The following SOX30 variants were observed in gnomAD, a reference collection of about 807,000 sequenced individuals.
SOX30 encodes the protein SRY-box transcription factor 30.
In SOX30, 17 loss-of-function variants were observed where a neutral mutation model predicts 58.6. The ratio of observed to expected loss-of-function variants is 0.29; its 90% confidence interval spans 0.20 to 0.44. The LOEUF (loss-of-function observed/expected upper bound fraction) is 0.44, where lower values mean the gene tolerates loss of function less well. Ranked by LOEUF, SOX30 falls within the 20% of genes least tolerant of loss-of-function variation. SOX30 has a pLI of 1.00. For missense variants in SOX30, 951 were observed against 965.8 expected (o/e 0.98, Z 0.20); for synonymous variants, 421 against 400.2 (o/e 1.05, Z -0.62).
chr5:157,665,642 A>G (rs1294315745), intron 2 of SOX30, among the ~76,000 whole-genome samples: 1 of 147,946 alleles, frequency 6.8e-6, no homozygotes, highest in Non-Finnish European at 1.5e-5. Flanking sequence ...TTAAATATAC[A>G]TTTATTTTAA....
intron 4 of SOX30, among the ~76,000 whole-genome samples, chr5:157,631,238 C>T (rs2113833392): frequency 6.6e-6 from 1 of 151,342 alleles, no homozygotes; most frequent in Middle Eastern, 3.4e-3. Context: ...TACACCACCA[C>T]ACCCAGCAAC....
chr5:157,667,571 T>C (rs1460005052), intron 2 of SOX30, among the ~76,000 whole-genome samples: 5 of 152,068 alleles, frequency 3.3e-5, no homozygotes, highest in African/African-American at 4.8e-5. Context: ...CTGTCTCTTC[T>C]AAAAATACAA....
intron 1 of SOX30, among the ~76,000 whole-genome samples, chr5:157,649,278 C>T (rs1361796435): frequency 6.6e-6 from 1 of 152,214 alleles, no homozygotes; most frequent in African/African-American, 2.4e-5. Flanking sequence ...AGGAACCATG[C>T]ATGACTTACT....
intron 1 of SOX30, among the ~76,000 whole-genome samples, chr5:157,669,243 G>A (rs981440703): frequency 5.3e-5 from 8 of 152,346 alleles, no homozygotes; most frequent in Admixed American, 2.6e-4. Flanking sequence ...GTCCAGGCTA[G>A]AGTGCAGTGG....
intron 2 of SOX30, among the ~76,000 whole-genome samples, chr5:157,664,586 C>A (rs1254660799): frequency 6.6e-6 from 1 of 152,098 alleles, no homozygotes. Context: ...GCAACAAAAG[C>A]CAAAATTGAC....
intron 2 of SOX30, chr5:157,667,763 TACACACACACAC>T: frequency 1.5e-6 from 2 of 1,342,868 alleles, no homozygotes; most frequent in South Asian, 1.4e-5. Flanking sequence ...CATACATACA[TACACACACACAC>T]ACACACACAC....
chr5:157,651,733 A>G lies in SOX30; in HGVS notation c.346T>C (p.Ser116Pro). The change falls in exon 1 of 5, where the codon TCA becomes CCA. Residue 116 changes from serine to proline, a missense_variant. Ser to Pro is a moderately conservative substitution (Grantham distance 74). Coordinates refer to ENST00000265007, the MANE Select transcript of SOX30 (RefSeq NM_178424.2). ...DLRLLQPPTA[S>P]DGATSRPELH... is the part of the protein sequence containing the mutation. Reference sequence around the variant, plus strand: ...TCGGGCCTGGAGGTGGCGCCGTCTGACGCTGTCGGCGGCTGCAGGAGCCGC... The same window carrying G: ...TCGGGCCTGGAGGTGGCGCCGTCTGGCGCTGTCGGCGGCTGCAGGAGCCGC... 6.4e-7 allele frequency: 1 copy of G among 1,565,220 alleles called. No individual in the cohort carries two copies.
In SOX30 at chr5:157,642,349, GC is replaced by G. The variant is rs550930527; in HGVS notation, c.1388-3628del. On this transcript the variant is annotated intron_variant, in intron 3 of 4. Coordinates refer to ENST00000265007, the MANE Select transcript of SOX30 (RefSeq NM_178424.2). ...AAAAAAAGAAGAAGCTTGATTGAGA[GC>G]CAAATAATGGAGAAATATTACTAGA... Among the ~76,000 whole-genome samples, 217 of 151,274 alleles carry G rather than the reference GC, an allele frequency of 1.4e-3. 2 individuals are homozygous for G. The highest frequency in any genetic ancestry group is 4.0e-3 in the African/African-American group (164 of 41,238).
intron 2 of SOX30, among the ~76,000 whole-genome samples, chr5:157,667,032 G>A (rs573827785): frequency 6.6e-6 from 1 of 152,220 alleles, no homozygotes; most frequent in Non-Finnish European, 1.5e-5. Context: ...CATCAAAGCT[G>A]GACTCCAACC....
At chr5:157,630,718 G>T (rs946658049) in intron 4 of SOX30, among the ~76,000 whole-genome samples, 5 of 150,894 alleles carry the variant, frequency 3.3e-5, no homozygotes, top group Admixed American at 6.7e-5. Context: ...TTTACTTCCT[G>T]CTTATACAGA....
intron 2 of SOX30, among the ~76,000 whole-genome samples, chr5:157,667,170 A>G (rs1489412103): frequency 6.6e-6 from 1 of 152,152 alleles, no homozygotes; most frequent in Non-Finnish European, 1.5e-5. Flanking sequence ...AAGTGGAGGG[A>G]TGGGACGTAG....
intron 2 of SOX30, among the ~76,000 whole-genome samples, chr5:157,662,990 C>G (rs1759603545): frequency 6.6e-6 from 1 of 152,146 alleles, no homozygotes; most frequent in Non-Finnish European, 1.5e-5. Context: ...CAAGTAGGAC[C>G]AGATGGATTC....
intron 4 of SOX30, among the ~76,000 whole-genome samples, chr5:157,630,862 T>TA (rs1758772345): frequency 1.7e-5 from 2 of 120,238 alleles, no homozygotes; most frequent in South Asian, 4.7e-4. Flanking sequence ...ATTATATATT[T>TA]TTATATATAT....
chr5:157,667,694 A>T lies in SOX30; in HGVS notation c.52+104T>A, dbSNP rs540985515. The T allele has an allele frequency of 6.9e-6, 10 of 1,453,900 alleles. 1 individual carries two copies. The East Asian group carries it at 1.3e-4, about 18-fold the overall frequency. The allele number at this position is 1,453,900 out of a possible 1,614,324, so 90.1% of individuals were successfully genotyped here. ...GCAGAGGCTGCAGTGACCTGATATC[A>T]TGCCACTGCCCTCCAGCCTGGGCGA... On this transcript the variant is annotated intron_variant, in intron 2 of 5. Coordinates refer to the SOX30 transcript ENST00000519442.
Position 157,651,204 on chromosome 5 carries a change from G to A in SOX30, c.875C>T (p.Thr292Ile). ...GGACTGCATTTTAGTAGGCACTGGT[G>A]TCAGGGGGACCTTGGTCAATCTTAT... ...ELIRLTKVPL[T>I]PVPTKMQSLL... The change falls in exon 1 of 5, where the codon ACA becomes ATA. Residue 292 changes from threonine (T) to isoleucine (I), a missense_variant. By Grantham distance (89) the Thr-to-Ile change is moderately conservative. This residue lies in a region of SOX30 where 60 missense variants were observed against 74.0 expected (regional missense o/e 0.81). Coordinates refer to ENST00000265007, the MANE Select transcript of SOX30 (RefSeq NM_178424.2). The A allele has an allele frequency of 6.2e-7, 1 of 1,613,386 alleles. No homozygotes were observed. Among genetic ancestry groups the A allele is most frequent in the African/African-American group, 1.3e-5 (1 of 75,034 alleles).
At chr5:157,647,562 C>T (rs1759223139) in intron 2 of SOX30, among the ~76,000 whole-genome samples, 3 of 151,568 alleles carry the variant, frequency 2.0e-5, no homozygotes, top group Admixed American at 2.0e-4. Flanking sequence ...TGATCAGTCA[C>T]TATTTTTTTT....
chr5:157,631,001 T>A (rs1432074591), intron 4 of SOX30, among the ~76,000 whole-genome samples: 6 of 126,132 alleles, frequency 4.8e-5, no homozygotes, highest in East Asian at 2.0e-4. Context: ...TATATATTTT[T>A]TATATATATA....
intron 3 of SOX30, among the ~76,000 whole-genome samples, chr5:157,644,402 G>C (rs766213558): frequency 6.6e-6 from 1 of 152,194 alleles, no homozygotes; most frequent in Non-Finnish European, 1.5e-5. Context: ...GCATAGCTCT[G>C]AAGTGCTTCC....
At chr5:157,636,159 G>A (rs1255669111) in intron 4 of SOX30, among the ~76,000 whole-genome samples, 2 of 152,188 alleles carry the variant, frequency 1.3e-5, no homozygotes, top group Non-Finnish European at 2.9e-5. Flanking sequence ...CAGCTAGAGT[G>A]AGACTGTGGT....
Sources: gnomAD v4.1 joint callset for allele counts (sites outside exome capture counted in the v4.1 genomes callset) on GRCh38, gnomAD v4.1.1 for gene constraint, gnomAD v4.1.1 regional missense constraint, MANE v1.5 for transcripts, NCBI Gene and HGNC (gene_info 2026-07-23, HGNC 2026-07-21) for gene names.